The following NCAM2 variants were observed in gnomAD, a reference collection of about 807,000 sequenced individuals.
NCAM2 encodes the protein neural cell adhesion molecule 2, also known as N-CAM-2.
Under a neutral mutation model 98.1 loss-of-function variants are expected in NCAM2, and 30 were observed. That is an observed-to-expected ratio of 0.31 (90% CI 0.23 to 0.41). The LOEUF (loss-of-function observed/expected upper bound fraction) is 0.41. Ranked by LOEUF, NCAM2 falls within the 10% of genes least tolerant of loss-of-function variation. NCAM2 has a pLI of 1.00. For missense variants in NCAM2, 867 were observed against 1,005.8 expected, an observed-to-expected ratio of 0.86 and a Z score of 1.87; for synonymous variants, 368 against 342.4, an observed-to-expected ratio of 1.07 and a Z score of -0.83.
chr21:21,416,133 C>G (rs1240389045), intron 10 of NCAM2, among the ~76,000 whole-genome samples: 3 of 152,038 alleles, frequency 2.0e-5, no homozygotes, highest in African/African-American at 7.2e-5. Context: ...ACATGAACAC[C>G]TAGAGACCAT....
intron 1 of NCAM2, among the ~76,000 whole-genome samples, chr21:21,042,435 C>T (rs922287727): frequency 2.6e-5 from 4 of 152,234 alleles, no homozygotes; most frequent in East Asian, 3.9e-4. Flanking sequence ...CCACCCGCCT[C>T]GGCCTCCCAA....
At chr21:21,384,694 A>C (rs976089443) in intron 9 of NCAM2, among the ~76,000 whole-genome samples, 3 of 152,040 alleles carry the variant, frequency 2.0e-5, no homozygotes, top group African/African-American at 7.2e-5. Flanking sequence ...AATCATGTAA[A>C]TAATGTTTAA....
intron 1 of NCAM2, among the ~76,000 whole-genome samples, chr21:21,080,300 T>C (rs549946312): frequency 1.3e-5 from 2 of 152,166 alleles, no homozygotes; most frequent in South Asian, 4.2e-4. Context: ...CTAAAGACAT[T>C]AACATTTCGC....
At chr21:21,161,042 A>G (rs780610813) in intron 1 of NCAM2, among the ~76,000 whole-genome samples, 2 of 152,050 alleles carry the variant, frequency 1.3e-5, no homozygotes, top group Non-Finnish European at 2.9e-5. Flanking sequence ...ACTTTGGACT[A>G]TTAATGTATG....
At chr21:21,451,407 T>C (rs567659447) in intron 12 of NCAM2, among the ~76,000 whole-genome samples, 2 of 152,182 alleles carry the variant, frequency 1.3e-5, no homozygotes, top group African/African-American at 4.8e-5. Context: ...TGTAGTTAGC[T>C]GTTCTTCAAT....
intron 1 of NCAM2, among the ~76,000 whole-genome samples, chr21:21,074,023 C>G (rs1446874675): frequency 6.6e-6 from 1 of 152,090 alleles, no homozygotes; most frequent in Non-Finnish European, 1.5e-5. Context: ...ACACAGTGCT[C>G]TTGGTAGTTC....
At chr21:21,292,264 A>G (rs750933321) in intron 5 of NCAM2, 23 bp downstream of exon 5, 3 of 1,592,518 alleles carry the variant, frequency 1.9e-6, no homozygotes, top group Non-Finnish European at 1.7e-6. Flanking sequence ...TAATTTGTAC[A>G]TGTTTTATGG....
chr21:21,443,365 G>A (rs568515213), intron 12 of NCAM2, among the ~76,000 whole-genome samples: 3 of 152,214 alleles, frequency 2.0e-5, no homozygotes, highest in Middle Eastern at 3.4e-3. Flanking sequence ...CATGGCACAT[G>A]TATACCTATG....
chr21:21,507,682 C>T (rs915829722), intron 15 of NCAM2, among the ~76,000 whole-genome samples: 43 of 148,806 alleles, frequency 2.9e-4, no homozygotes, highest in African/African-American at 9.6e-4. Context: ...CTCAGCTACT[C>T]GGGAGGCTGA....
At chr21:21,301,097 G>A (rs2073696027) in intron 5 of NCAM2, among the ~76,000 whole-genome samples, 1 of 151,968 alleles carries the variant, frequency 6.6e-6, no homozygotes, top group South Asian at 2.1e-4. Context: ...TTTTTTGCTT[G>A]ATGATCTGTT....
intron 12 of NCAM2, among the ~76,000 whole-genome samples, chr21:21,442,685 C>T (rs2146087382): frequency 6.6e-6 from 1 of 152,176 alleles, no homozygotes; most frequent in South Asian, 2.1e-4. Context: ...AAAGAAAAGG[C>T]CCATAGACTG....
intron 1 of NCAM2, among the ~76,000 whole-genome samples, chr21:21,072,836 A>C (rs1200144806): frequency 6.6e-6 from 1 of 152,126 alleles, no homozygotes; most frequent in African/African-American, 2.4e-5. Flanking sequence ...ATAATATACA[A>C]TTTATCCTTT....
intron 12 of NCAM2, among the ~76,000 whole-genome samples, chr21:21,434,692 ATTG>A (rs1200560557): frequency 6.6e-6 from 1 of 152,150 alleles, no homozygotes; most frequent in African/African-American, 2.4e-5. Flanking sequence ...AAAGTTCAAT[ATTG>A]TTGGTATAGT....
chr21:21,221,080 T>C (rs990812095), intron 1 of NCAM2, among the ~76,000 whole-genome samples: 1 of 152,158 alleles, frequency 6.6e-6, no homozygotes, highest in Admixed American at 6.6e-5. Flanking sequence ...TGATCTGTGA[T>C]CAGTGATCTT....
chr21:21,059,066 T>G (rs2065270680), intron 1 of NCAM2, among the ~76,000 whole-genome samples: 2 of 152,148 alleles, frequency 1.3e-5, no homozygotes, highest in Non-Finnish European at 2.9e-5. Context: ...GCAACAAGTT[T>G]ATATTAACTC....
intron 1 of NCAM2, among the ~76,000 whole-genome samples, chr21:21,266,052 T>A (rs2072258099): frequency 6.6e-6 from 1 of 152,146 alleles, no homozygotes; most frequent in Non-Finnish European, 1.5e-5. Context: ...ACGGTAATAG[T>A]CACCTTTCTT....
At chr21:21,399,466 T>C (rs2076582367) in intron 9 of NCAM2, among the ~76,000 whole-genome samples, 1 of 152,224 alleles carries the variant, frequency 6.6e-6, no homozygotes, top group Non-Finnish European at 1.5e-5. Flanking sequence ...TTCACTCTAG[T>C]ATGTGAATGC....
intron 1 of NCAM2, among the ~76,000 whole-genome samples, chr21:21,069,926 A>T (rs1159182388): frequency 6.6e-6 from 1 of 152,156 alleles, no homozygotes; most frequent in Non-Finnish European, 1.5e-5. Flanking sequence ...TACTTTTCTT[A>T]TCTTTCTATT....
chr21:21,058,277 G>C (rs1486559032), intron 1 of NCAM2, among the ~76,000 whole-genome samples: 1 of 151,974 alleles, frequency 6.6e-6, no homozygotes, highest in Non-Finnish European at 1.5e-5. Context: ...GAAATACTGG[G>C]ACCCACTTGC....
Sources: gnomAD v4.1 joint callset for allele counts (sites outside exome capture counted in the v4.1 genomes callset) on GRCh38, gnomAD v4.1.1 for gene constraint, MANE v1.5 for transcripts, NCBI Gene and HGNC (gene_info 2026-07-23, HGNC 2026-07-21) for gene names.